Variants in CNTN5 observed in about 807,000 individuals in gnomAD.
The protein encoded by CNTN5 is contactin 5.
Under a neutral mutation model 129.1 loss-of-function variants are expected in CNTN5, and 77 were observed. The observed-to-expected ratio is 0.60, with a 90% CI of 0.50 to 0.72. The LOEUF is 0.72. Among genes scored for constraint, CNTN5 ranks in the 30% least tolerant of loss-of-function variants. The pLI is 0.00. For synonymous variants in CNTN5, 509 were observed against 465.6 expected, an observed-to-expected ratio of 1.09 and a Z score of -1.20; for missense variants, 1,478 against 1,328.8, an observed-to-expected ratio of 1.11 and a Z score of -1.75.
chr11:99,649,514 T>C (rs1418079346), intron 3 of CNTN5, among the ~76,000 whole-genome samples: 1 of 151,852 alleles, frequency 6.6e-6, no homozygotes, highest in Non-Finnish European at 1.5e-5. Flanking sequence ...CAGAAGTCTT[T>C]GAATAATGAG....
At chr11:99,124,996 G>A (rs1345741422) in intron 1 of CNTN5, among the ~76,000 whole-genome samples, 1 of 151,866 alleles carries the variant, frequency 6.6e-6, no homozygotes, top group East Asian at 1.9e-4. Flanking sequence ...AAGAAAGCCA[G>A]CACTAGAGGA....
intron 6 of CNTN5, among the ~76,000 whole-genome samples, chr11:99,876,383 T>G (rs1168795724): frequency 6.6e-6 from 1 of 152,154 alleles, no homozygotes; most frequent in Non-Finnish European, 1.5e-5. Flanking sequence ...CTAGTCTTGA[T>G]CCCAGGCTCC....
chr11:99,612,979 C>G (rs1371385317), intron 3 of CNTN5, among the ~76,000 whole-genome samples: 1 of 151,996 alleles, frequency 6.6e-6, no homozygotes, highest in East Asian at 1.9e-4. Flanking sequence ...AGTGTGGAGC[C>G]CAGGGAATTG....
chr11:99,317,873 G>A lies in CNTN5; in HGVS notation c.-209-7473G>A, dbSNP rs973153523. On this transcript the variant is annotated intron_variant, in intron 1 of 24. Transcript: ENST00000524871. The stretch of plus-strand genomic sequence containing the variant: ...ATAGTTCAATTGCTAATGCTTTATA[G>A]CAGATGAGTTTTTTACAAAAGAGTT... Among the ~76,000 whole-genome samples, 4 of 152,034 alleles carry A rather than the reference G, an allele frequency of 2.6e-5. No homozygotes were observed. In the East Asian group the frequency reaches 7.7e-4, roughly 29 times the overall value.
At chr11:100,113,577 T>G (rs1945739739) in intron 13 of CNTN5, among the ~76,000 whole-genome samples, 1 of 151,756 alleles carries the variant, frequency 6.6e-6, no homozygotes. Flanking sequence ...CAAAAGTTAT[T>G]AAAGTGGATG....
chr11:99,817,906 C>A (rs1380755620), intron 3 of CNTN5, among the ~76,000 whole-genome samples: 1 of 152,112 alleles, frequency 6.6e-6, no homozygotes, highest in Non-Finnish European at 1.5e-5. Flanking sequence ...AGCAAAGAGT[C>A]AAGGACATGA....
At chr11:99,424,319 G>C (rs904067468) in intron 2 of CNTN5, among the ~76,000 whole-genome samples, 18 of 152,224 alleles carry the variant, frequency 1.2e-4, no homozygotes, top group Non-Finnish European at 1.8e-4. Context: ...GGAAATGCAG[G>C]ACAAAGTGTC....
chr11:99,830,862 G>A (rs780373233), intron 4 of CNTN5, among the ~76,000 whole-genome samples: 1 of 152,104 alleles, frequency 6.6e-6, no homozygotes, highest in African/African-American at 2.4e-5. Flanking sequence ...AGCACTTACA[G>A]CAGTGCAAGG....
intron 1 of CNTN5, among the ~76,000 whole-genome samples, chr11:99,189,141 C>T (rs1858504236): frequency 6.6e-6 from 1 of 151,596 alleles, no homozygotes; most frequent in Admixed American, 6.6e-5. Context: ...CCCAGTTCAA[C>T]CATGTTACAC....
chr11:99,547,429 T>C (rs1319155743), intron 2 of CNTN5, among the ~76,000 whole-genome samples: 2 of 152,268 alleles, frequency 1.3e-5, no homozygotes, highest in Admixed American at 6.5e-5. Context: ...TTTAGGTTTC[T>C]GTTTTATAGG....
At chr11:100,279,140 C>A (rs974974615) in intron 18 of CNTN5, among the ~76,000 whole-genome samples, 1 of 151,846 alleles carries the variant, frequency 6.6e-6, no homozygotes, top group Non-Finnish European at 1.5e-5. Flanking sequence ...GCCTTGCATC[C>A]CAGGGATAAA....
chr11:99,646,809 T>A (rs1591416948), intron 3 of CNTN5, among the ~76,000 whole-genome samples: 1 of 131,802 alleles, frequency 7.6e-6, no homozygotes, highest in Non-Finnish European at 1.6e-5. Flanking sequence ...TGTCAATTCT[T>A]AAAAAAAAAA....
chr11:99,674,311 C>A (rs200235633), intron 3 of CNTN5, among the ~76,000 whole-genome samples: 17,051 of 128,800 alleles, frequency 0.13, 1,161 homozygotes, highest in East Asian at 0.33. Context: ...GTTTTTTTTT[C>A]TTGTAAACAT....
intron 13 of CNTN5, among the ~76,000 whole-genome samples, chr11:100,079,158 C>T (rs1944263044): frequency 6.6e-6 from 1 of 152,134 alleles, no homozygotes; most frequent in African/African-American, 2.4e-5. Flanking sequence ...TCTCCCTTGA[C>T]ATATAGGGAT....
chr11:99,466,920 C>G (rs1159121754), intron 2 of CNTN5, among the ~76,000 whole-genome samples: 1 of 152,072 alleles, frequency 6.6e-6, no homozygotes, highest in Non-Finnish European at 1.5e-5. Flanking sequence ...AATCACCTAG[C>G]CTTACTCAAC....
At chr11:100,319,889 T>C (rs754895371) in intron 21 of CNTN5, among the ~76,000 whole-genome samples, 1 of 152,208 alleles carries the variant, frequency 6.6e-6, no homozygotes, top group Non-Finnish European at 1.5e-5. Flanking sequence ...GATTTCTTTC[T>C]TTTTTATAGT....
intron 6 of CNTN5, among the ~76,000 whole-genome samples, chr11:99,909,159 A>G (rs530965306): frequency 2.6e-5 from 4 of 152,126 alleles, no homozygotes; most frequent in Non-Finnish European, 5.9e-5. Flanking sequence ...GTTTTTATTA[A>G]AAGTTAACAT....
At chr11:99,388,350 G>A (rs1941039554) in intron 2 of CNTN5, among the ~76,000 whole-genome samples, 1 of 146,858 alleles carries the variant, frequency 6.8e-6, no homozygotes, top group Admixed American at 6.9e-5. Context: ...AGGAAGCAGA[G>A]GTTGTAGTGA....
At chr11:99,402,050 C>T (rs145276690) in intron 2 of CNTN5, among the ~76,000 whole-genome samples, 33 of 152,094 alleles carry the variant, frequency 2.2e-4, no homozygotes, top group Admixed American at 1.3e-3. Context: ...CAAATTTGGA[C>T]GCACTTTATA....
Sources: allele counts gnomAD v4.1 joint callset (sites outside exome capture counted in the v4.1 genomes callset), GRCh38; gene constraint gnomAD v4.1.1; transcripts MANE v1.5; gene names NCBI Gene and HGNC (gene_info 2026-07-23, HGNC 2026-07-21).